Variants in MAP1B observed in about 807,000 individuals in gnomAD.
MAP1B encodes the protein microtubule-associated protein 1B.
A neutral mutation model predicts 176.1 loss-of-function variants in MAP1B; 12 were observed. The observed-to-expected ratio is 0.07, with a 90% CI of 0.04 to 0.11. The LOEUF (loss-of-function observed/expected upper bound fraction) is 0.11, where lower values mean the gene tolerates loss of function less well. Among genes scored for constraint, MAP1B ranks in the 10% least tolerant of loss-of-function variants. The probability of loss-of-function intolerance (pLI) is 1.00; values close to 1 mark genes in which losing one functional copy is unlikely to be tolerated. For missense variants in MAP1B, 2,523 were observed against 2,990.5 expected (o/e 0.84, Z 3.65); for synonymous variants, 1,044 against 1,135.0 (o/e 0.92, Z 1.61).
chr5:72,125,650 TA>T (rs1300584176), intron 2 of MAP1B, among the ~76,000 whole-genome samples: 1 of 152,232 alleles, frequency 6.6e-6, no homozygotes. Flanking sequence ...GGTCCTTCTG[TA>T]AATTCTATTT....
rs755571138 is a variant in MAP1B at position 72,197,247 on chromosome 5, T to C, written c.3892T>C (p.Ser1298Pro). 15 of 1,614,060 alleles carry C rather than the reference T, an allele frequency of 9.3e-6. No individual in the cohort carries two copies. The highest frequency in any genetic ancestry group is 3.3e-4 in the Middle Eastern group (2 of 6,084). Residue 1298 changes from serine to proline, a missense_variant, in exon 5 of 7, where the codon TCT (serine) becomes CCT (proline). This residue lies in a region of MAP1B where 1,925 missense variants were observed against 2,126.0 expected (regional missense o/e 0.91). Transcript: ENST00000296755. Reference protein sequence around the residue: ...VSAEAEVAPVSPEVTQEVVEE... With the variant: ...VSAEAEVAPVPPEVTQEVVEE... The stretch of plus-strand genomic sequence containing the variant: ...TGCAGAGGCAGAAGTAGCCCCGGTG[T>C]CTCCTGAGGTGACCCAAGAAGTAGT...
intron 3 of MAP1B, among the ~76,000 whole-genome samples, chr5:72,185,540 G>A (rs1746878286): frequency 1.3e-5 from 2 of 151,076 alleles, no homozygotes; most frequent in Non-Finnish European, 1.5e-5. Context: ...GTTGCAGTGA[G>A]CCGAGATGGC....
At chr5:72,184,939 G>T (rs1319835248) in intron 3 of MAP1B, among the ~76,000 whole-genome samples, 2 of 152,000 alleles carry the variant, frequency 1.3e-5, no homozygotes, top group Non-Finnish European at 2.9e-5. Context: ...CGTCTATCAC[G>T]CCCCAAAAGC....
chr5:72,114,150 T>C (rs767435133), intron 1 of MAP1B, among the ~76,000 whole-genome samples: 1 of 152,228 alleles, frequency 6.6e-6, no homozygotes, highest in Non-Finnish European at 1.5e-5. Context: ...TTCCTCCTGG[T>C]TGAAAAGGTC....
chr5:72,127,525 A>G (rs35186701), intron 2 of MAP1B, among the ~76,000 whole-genome samples: 4,577 of 152,308 alleles, frequency 0.03, 109 homozygotes, highest in Non-Finnish European at 0.048. Context: ...TCTGATGGGT[A>G]CAGCAAACCA....
chr5:72,184,660 T>C (rs1235780501), intron 3 of MAP1B, among the ~76,000 whole-genome samples: 1 of 152,202 alleles, frequency 6.6e-6, no homozygotes, highest in Admixed American at 6.5e-5. Flanking sequence ...TTGCTATCAC[T>C]CCACTTTCCA....
chr5:72,199,940 C>T lies in MAP1B; in HGVS notation c.6585C>T (p.Tyr2195=). The T allele has an allele frequency of 6.2e-7, 1 of 1,614,192 alleles. No homozygotes were observed. The highest frequency in any genetic ancestry group is 1.3e-5 in the African/African-American group (1 of 75,044). ...ETIPTDKTVT[Y]KHMDPPPAPV... ...TCCCCACAGACAAAACTGTCACGTACAAACACATGGACCCACCTCCAGCTC... is the reference window on the plus strand; with the variant it reads ...TCCCCACAGACAAAACTGTCACGTATAAACACATGGACCCACCTCCAGCTC... The change falls in exon 5 of 7, where the codon TAC becomes TAT. Residue 2195 remains tyrosine (Y), a synonymous_variant. Coordinates refer to ENST00000296755, the MANE Select transcript of MAP1B (RefSeq NM_005909.5). The surrounding 1 kb of genome is among the most constrained non-coding windows in gnomAD (Gnocchi z 4.2).
At chr5:72,134,102 G>A (rs187061630) in intron 2 of MAP1B, among the ~76,000 whole-genome samples, 311 of 152,304 alleles carry the variant, frequency 2.0e-3, no homozygotes, top group African/African-American at 7.1e-3. Context: ...GTTTTCACAT[G>A]TTTGTGAGTG....
intron 2 of MAP1B, among the ~76,000 whole-genome samples, chr5:72,183,009 A>T (rs1746810488): frequency 6.6e-6 from 1 of 152,186 alleles, no homozygotes; most frequent in Non-Finnish European, 1.5e-5. Context: ...ACCTGTGAGC[A>T]GGGGGAGTCA....
rs76669665 is a variant in MAP1B at position 72,112,426 on chromosome 5, C to T, written c.185-3272C>T. ...GATTGGAAAACTTGGAACAATCTAG[C>T]CTGTACACACCAAGAGTACCTGACT... is the stretch of plus-strand genomic sequence containing the variant. On this transcript the variant is annotated intron_variant, in intron 1 of 6. Transcript: ENST00000296755. Among the ~76,000 whole-genome samples the T allele has an allele frequency of 9.7e-3, 1,477 of 152,264 alleles. 23 individuals are homozygous for T. Among genetic ancestry groups the T allele is most frequent in the African/African-American group, 0.033 (1,375 of 41,528 alleles).
At chr5:72,203,499 G>A (rs1263743125) in intron 5 of MAP1B, 64 bp from the exon 6 acceptor site, 19 of 1,161,278 alleles carry the variant, frequency 1.6e-5, no homozygotes, top group Non-Finnish European at 1.9e-5. Flanking sequence ...TGGGGAACAT[G>A]TGCTGGATGT....
chr5:72,188,531 A>G (rs1266514786), intron 4 of MAP1B, among the ~76,000 whole-genome samples: 1 of 152,240 alleles, frequency 6.6e-6, no homozygotes, highest in Non-Finnish European at 1.5e-5. Context: ...TATGTAAAGA[A>G]AAGTGTCATT....
At chr5:72,166,150 T>C (rs1746424118) in intron 2 of MAP1B, among the ~76,000 whole-genome samples, 1 of 152,210 alleles carries the variant, frequency 6.6e-6, no homozygotes, top group Non-Finnish European at 1.5e-5. Flanking sequence ...TTGGCAAATG[T>C]AGGAGAAACT....
Position 72,195,907 on chromosome 5 carries a change from C to G in MAP1B, c.2552C>G (p.Thr851Arg), listed in dbSNP as rs745497572. The G allele has an allele frequency of 1.7e-5, 27 of 1,614,090 alleles. No individual in the cohort carries two copies. Among genetic ancestry groups the G allele is most frequent in the Non-Finnish European group, 2.1e-5 (25 of 1,180,046 alleles). Reference sequence around the variant, plus strand: ...TTAAAGGCTGAAGAGGTCGATGTAACAAAGGACATCAAGCCTCAGCTGGAG... The same window carrying G: ...TTAAAGGCTGAAGAGGTCGATGTAAGAAAGGACATCAAGCCTCAGCTGGAG... ...EELKAEEVDV[T>R]KDIKPQLELI... is the part of the protein sequence containing the mutation. Residue 851 changes from threonine (T) to arginine (R), a missense_variant, in exon 5 of 7, where the codon ACA becomes AGA. Around this residue, in one of 4 missense-constraint regions of MAP1B, gnomAD observed 1,925 missense variants for 2,126.0 expected, o/e 0.91. Transcript: ENST00000296755.
intron 2 of MAP1B, chr5:72,179,644 C>A: frequency 1.0e-6 from 1 of 985,500 alleles, no homozygotes; most frequent in Non-Finnish European, 1.2e-6. Context: ...TGGGGCGGCC[C>A]AGCCCCAGGT....
At chr5:72,164,186 C>T (rs1746385257) in intron 2 of MAP1B, among the ~76,000 whole-genome samples, 1 of 152,002 alleles carries the variant, frequency 6.6e-6, no homozygotes, top group Non-Finnish European at 1.5e-5. Flanking sequence ...CTGTCTTGGC[C>T]TCTCAAACTG....
At chr5:72,151,750 G>T (rs1036060925) in intron 2 of MAP1B, among the ~76,000 whole-genome samples, 1 of 152,172 alleles carries the variant, frequency 6.6e-6, no homozygotes, top group African/African-American at 2.4e-5. Context: ...GCTCACCCAG[G>T]GGCCAGCCTC....
At chr5:72,200,511 G>A in intron 5 of MAP1B, 144 bp downstream of exon 5, 2 of 1,067,532 alleles carry the variant, frequency 1.9e-6, no homozygotes, top group Non-Finnish European at 2.7e-6. Context: ...CTTCTCCTCT[G>A]CCCAAAGGTA....
intron 4 of MAP1B, among the ~76,000 whole-genome samples, chr5:72,193,073 C>T (rs557254003): frequency 5.9e-5 from 9 of 152,268 alleles, no homozygotes; most frequent in Admixed American, 4.6e-4. Flanking sequence ...AAATGGGGAA[C>T]GAACTTGGCC....
Sources: gnomAD v4.1 joint callset for allele counts (sites outside exome capture counted in the v4.1 genomes callset) on GRCh38, gnomAD v4.1.1 for gene constraint, gnomAD v4.1.1 regional missense constraint, Gnocchi (gnomAD v3.1) non-coding constraint, MANE v1.5 for transcripts, NCBI Gene and HGNC (gene_info 2026-07-23, HGNC 2026-07-21) for gene names.